Variants in ANKFN1 observed in about 807,000 individuals in gnomAD.
ANKFN1 encodes the protein ankyrin repeat and fibronectin type III domain containing 1, also known as ankyrin repeat and fibronectin type-III domain-containing protein 1.
ANKFN1 carries 74 observed loss-of-function variants against 108.7 expected under a neutral mutation model. The ratio of observed to expected loss-of-function variants is 0.68; its 90% CI spans 0.56 to 0.83. The LOEUF (loss-of-function observed/expected upper bound fraction) is 0.83. Ranked by LOEUF, ANKFN1 falls within the 40% of genes least tolerant of loss-of-function variation. The probability of loss-of-function intolerance (pLI) is 0.00; values close to 1 mark genes in which losing one functional copy is unlikely to be tolerated. For missense variants in ANKFN1, 1,505 were observed against 1,382.3 expected (o/e 1.09, Z -1.41); for synonymous variants, 547 against 516.2 (o/e 1.06, Z -0.81).
At chr17:56,105,519 T>C (rs1905729449) in intron 4 of ANKFN1, among the ~76,000 whole-genome samples, 1 of 152,088 alleles carries the variant, frequency 6.6e-6, no homozygotes. Flanking sequence ...TTTCTCTTTT[T>C]CTTTCTTCCC....
intron 4 of ANKFN1, among the ~76,000 whole-genome samples, chr17:56,131,834 A>G (rs1907301460): frequency 6.6e-6 from 1 of 152,212 alleles, no homozygotes; most frequent in Non-Finnish European, 1.5e-5. Flanking sequence ...ACCAGCCTGG[A>G]CAACATAGCA....
chr17:56,418,374 T>C (rs569996863), intron 8 of ANKFN1, among the ~76,000 whole-genome samples: 34 of 152,324 alleles, frequency 2.2e-4, no homozygotes, highest in South Asian at 4.1e-4. Context: ...AACAGTTTTT[T>C]AAAACTGGGA....
In ANKFN1 at chr17:56,442,828, T is replaced by C; in HGVS notation, c.1009-15T>C. The C allele has an allele frequency of 6.2e-7, 1 of 1,612,364 alleles. No homozygotes were observed. Among genetic ancestry groups the C allele is most frequent in the Non-Finnish European group, 8.5e-7 (1 of 1,178,604 alleles). On this transcript the variant is annotated splice_polypyrimidine_tract_variant and intron_variant, in intron 9 of 20. Coordinates refer to ENST00000682825, the MANE Select transcript of ANKFN1 (RefSeq NM_001370326.1). ...TTAAATAAAATGCCTGATGCATCAT[T>C]TCAATACTTTGCAGGGCCAACAGTA...
chr17:56,497,413 C>G (rs1161770060), intron 19 of ANKFN1, among the ~76,000 whole-genome samples: 2 of 152,134 alleles, frequency 1.3e-5, no homozygotes, highest in Non-Finnish European at 2.9e-5. Flanking sequence ...AACTAGAAAG[C>G]AGGGGAAAAC....
chr17:56,426,691 A>G (rs998011553), intron 8 of ANKFN1, among the ~76,000 whole-genome samples: 1 of 152,242 alleles, frequency 6.6e-6, no homozygotes, highest in African/African-American at 2.4e-5. Context: ...GTATGTTGAG[A>G]TGTTTAACCT....
At chr17:56,359,229 G>A (rs1311548726) in intron 6 of ANKFN1, among the ~76,000 whole-genome samples, 5 of 151,978 alleles carry the variant, frequency 3.3e-5, no homozygotes, top group East Asian at 1.9e-4. Context: ...GTGTATCATC[G>A]ACACAGACAC....
intron 4 of ANKFN1, among the ~76,000 whole-genome samples, chr17:56,055,436 T>A (rs565245994): frequency 1.2e-5 from 1 of 83,648 alleles, no homozygotes; most frequent in Admixed American, 1.1e-4. Flanking sequence ...ATTATCCCAT[T>A]ATGTCTGTGT....
intron 4 of ANKFN1, among the ~76,000 whole-genome samples, chr17:56,095,669 T>C (rs1905520365): frequency 6.6e-6 from 1 of 152,160 alleles, no homozygotes; most frequent in African/African-American, 2.4e-5. Context: ...AGCCAGGCTT[T>C]ATGTCTGGGG....
intron 3 of ANKFN1, among the ~76,000 whole-genome samples, chr17:56,252,963 G>A (rs1429049190): frequency 6.6e-6 from 1 of 152,178 alleles, no homozygotes; most frequent in African/African-American, 2.4e-5. Flanking sequence ...TCACGAGGGT[G>A]AGGTGGGGGG....
chr17:56,195,050 C>T (rs1913378863), intron 1 of ANKFN1, among the ~76,000 whole-genome samples: 1 of 152,212 alleles, frequency 6.6e-6, no homozygotes, highest in Non-Finnish European at 1.5e-5. Flanking sequence ...GGAGCAGGCA[C>T]ATGAGTTGCA....
At chr17:56,070,021 C>T (rs1316738025) in intron 4 of ANKFN1, among the ~76,000 whole-genome samples, 1 of 152,192 alleles carries the variant, frequency 6.6e-6, no homozygotes. Flanking sequence ...AGGTCACTCT[C>T]TTGCCCATCT....
chr17:56,197,949 A>G (rs969409281), intron 1 of ANKFN1, among the ~76,000 whole-genome samples: 2 of 152,162 alleles, frequency 1.3e-5, no homozygotes, highest in African/African-American at 2.4e-5. Context: ...GGTCGAGGCT[A>G]CAGTGAACCA....
At position 56,510,672 on chromosome 17, in the gene ANKFN1, T is replaced by C; in HGVS notation, c.2844T>C (p.Pro948=). Residue 948 remains proline, a synonymous_variant, in exon 21 of 21, where the codon CCT becomes CCC. Transcript: ENST00000682825. ...DVLQVHDVKT[P]LGPGQDPQGE... is the part of the protein sequence containing the mutation. ...TGCAAGTGCACGACGTGAAAACCCC[T>C]CTGGGGCCGGGCCAGGATCCCCAGG... The C allele has an allele frequency of 6.5e-7, 1 of 1,536,066 alleles. No individual in the cohort carries two copies. The highest frequency in any genetic ancestry group is 1.4e-5 in the African/African-American group (1 of 73,144).
chr17:56,201,625 A>G (rs1914068076), intron 1 of ANKFN1, among the ~76,000 whole-genome samples: 1 of 152,158 alleles, frequency 6.6e-6, no homozygotes, highest in African/African-American at 2.4e-5. Flanking sequence ...ATTTGCCACA[A>G]GAGTTAAGAA....
chr17:56,434,393 A>AAG (rs1555652385), intron 8 of ANKFN1, among the ~76,000 whole-genome samples: 10 of 150,998 alleles, frequency 6.6e-5, no homozygotes, highest in East Asian at 1.9e-4. Flanking sequence ...AAAAAAAAAA[A>AAG]AAGAAGAAGA....
At chr17:56,478,967 G>C (rs751263735) in intron 16 of ANKFN1, among the ~76,000 whole-genome samples, 7 of 152,122 alleles carry the variant, frequency 4.6e-5, no homozygotes, top group Non-Finnish European at 1.0e-4. Context: ...AGGAGGAGGA[G>C]GGAACTCACT....
rs574245080 is a variant in ANKFN1 at position 56,242,310 on chromosome 17, G to T, written c.53+14353G>T. The stretch of plus-strand genomic sequence containing the variant: ...TATATTCAGGAGAATTGGCATCTTT[G>T]TTATACTGTACTATTCCGTCCATGG... On this transcript the variant is annotated intron_variant, in intron 3 of 20. Coordinates refer to ENST00000682825, the MANE Select transcript of ANKFN1 (RefSeq NM_001370326.1). 3.3e-5 allele frequency among the ~76,000 whole-genome samples: 5 copies of T among 152,036 alleles called. No homozygotes were observed. In the East Asian group the frequency reaches 9.7e-4, roughly 29 times the overall value.
In ANKFN1 at chr17:56,510,683, G is replaced by A. The variant is rs1211388510; in HGVS notation, c.2855G>A (p.Gly952Asp). Reference protein sequence around the residue: ...VHDVKTPLGPGQDPQGEGPNP... With the variant: ...VHDVKTPLGPDQDPQGEGPNP... Reference sequence around the variant, plus strand: ...GACGTGAAAACCCCTCTGGGGCCGGGCCAGGATCCCCAGGGCGAGGGCCCA... The same window carrying A: ...GACGTGAAAACCCCTCTGGGGCCGGACCAGGATCCCCAGGGCGAGGGCCCA... The change falls in exon 21 of 21, where the codon GGC (glycine) becomes GAC (aspartate). Residue 952 changes from glycine (G) to aspartate (D), a missense_variant. By Grantham distance (94) the Gly-to-Asp change is moderately conservative. Coordinates refer to ENST00000682825, the MANE Select transcript of ANKFN1 (RefSeq NM_001370326.1). 9.8e-6 allele frequency: 15 copies of A among 1,536,022 alleles called. No homozygotes were observed. The highest frequency in any genetic ancestry group is 1.3e-5 in the Non-Finnish European group (15 of 1,146,912).
intron 3 of ANKFN1, among the ~76,000 whole-genome samples, chr17:56,317,274 A>G (rs73311739): frequency 0.013 from 1,990 of 152,324 alleles, 53 homozygotes; most frequent in African/African-American, 0.046. Context: ...AAGAACCTTC[A>G]AGAACATTCC....
Sources: gnomAD v4.1 joint callset for allele counts (sites outside exome capture counted in the v4.1 genomes callset) on GRCh38, gnomAD v4.1.1 for gene constraint, MANE v1.5 for transcripts, NCBI Gene and HGNC (gene_info 2026-07-23, HGNC 2026-07-21) for gene names.